The following ASTN2 variants were observed in gnomAD, a reference collection of about 807,000 sequenced individuals.
ASTN2 encodes the protein astrotactin-2.
A neutral mutation model predicts 139.8 loss-of-function variants in ASTN2; 54 were observed. The observed-to-expected ratio is 0.39, with a 90% CI of 0.31 to 0.48. The LOEUF (loss-of-function observed/expected upper bound fraction) is 0.48. Ranked by LOEUF, ASTN2 falls within the 20% of genes least tolerant of loss-of-function variation. The pLI, the probability that ASTN2 is intolerant of heterozygous loss-of-function variation, is 0.95. For synonymous variants in ASTN2, 756 were observed against 719.5 expected (o/e 1.05, Z -0.81); for missense variants, 1,565 against 1,725.1 (o/e 0.91, Z 1.64).
intron 11 of ASTN2, among the ~76,000 whole-genome samples, chr9:116,834,316 G>A (rs1452688188): frequency 2.0e-5 from 3 of 152,020 alleles, no homozygotes; most frequent in African/African-American, 4.8e-5. Flanking sequence ...CTTTTTTGTT[G>A]ATGGTGTTAT....
intron 13 of ASTN2, among the ~76,000 whole-genome samples, chr9:116,791,678 A>G (rs955170189): frequency 7.2e-5 from 11 of 152,316 alleles, no homozygotes; most frequent in Admixed American, 3.9e-4. Flanking sequence ...TTATCTGTTC[A>G]TAGGTTCCCT....
In ASTN2 at chr9:117,414,632, C is replaced by CGGA; in HGVS notation, c.306_307insTCC (p.Ala102_Ala103insSer). Reference sequence around the variant, plus strand: ...GCAGAGCCAGGAGAGCCCGGGGACGCGGCGGCGGCGGCGGCTCCGGCCCCG... The same window carrying CGGA: ...GCAGAGCCAGGAGAGCCCGGGGACGCGGAGGCGGCGGCGGCGGCTCCGGCCCCG... On this transcript the variant is annotated inframe_insertion, in exon 1 of 23. Coordinates refer to ENST00000313400, the MANE Select transcript of ASTN2 (RefSeq NM_001365068.1). The surrounding 1 kb of genome is among the most constrained non-coding windows in gnomAD (Gnocchi z 4.2). 7.5e-7 allele frequency: 1 copy of CGGA among 1,327,960 alleles called. No homozygotes were observed. The allele number at this position is 1,327,960 out of a possible 1,614,324, so 82.3% of individuals were successfully genotyped here.
At chr9:116,736,201 C>G (rs1828921240) in intron 13 of ASTN2, among the ~76,000 whole-genome samples, 1 of 152,104 alleles carries the variant, frequency 6.6e-6, no homozygotes, top group Admixed American at 6.5e-5. Flanking sequence ...TTAAATTTTC[C>G]AGAATTCTAT....
chr9:116,898,999 T>C (rs1465477230), intron 10 of ASTN2, among the ~76,000 whole-genome samples: 1 of 152,190 alleles, frequency 6.6e-6, no homozygotes, highest in African/African-American at 2.4e-5. Flanking sequence ...GAGTTGAAAG[T>C]TGAGGTTCCT....
intron 10 of ASTN2, among the ~76,000 whole-genome samples, chr9:116,884,110 A>G (rs1833525318): frequency 6.6e-6 from 1 of 152,148 alleles, no homozygotes; most frequent in South Asian, 2.1e-4. Context: ...GAGTGTGCCT[A>G]GAGTTCATCG....
At chr9:117,018,074 G>A (rs74864413) in intron 6 of ASTN2, among the ~76,000 whole-genome samples, 1,655 of 152,092 alleles carry the variant, frequency 0.011, 15 homozygotes, top group Non-Finnish European at 0.017. Flanking sequence ...GATGATCGGC[G>A]TAGGGTGGGA....
intron 10 of ASTN2, among the ~76,000 whole-genome samples, chr9:116,943,909 T>C (rs1257740965): frequency 8.5e-5 from 13 of 152,182 alleles, no homozygotes; most frequent in Non-Finnish European, 1.9e-4. Flanking sequence ...TGATGAGTAC[T>C]AAAAATATAG....
At chr9:116,632,326 A>C (rs1856846933) in intron 17 of ASTN2, among the ~76,000 whole-genome samples, 1 of 32,090 alleles carries the variant, frequency 3.1e-5, no homozygotes, top group African/African-American at 7.0e-5. Context: ...ATTATGTATC[A>C]ATAATAATAA....
chr9:116,822,551 G>A (rs1326806), intron 11 of ASTN2, among the ~76,000 whole-genome samples: 69 of 152,086 alleles, frequency 4.5e-4, no homozygotes, highest in African/African-American at 1.7e-3. Flanking sequence ...GCAGACTCGC[G>A]GAGCATGTTG....
At chr9:117,391,051 T>G (rs1564180652) in intron 1 of ASTN2, among the ~76,000 whole-genome samples, 1 of 152,180 alleles carries the variant, frequency 6.6e-6, no homozygotes, top group Non-Finnish European at 1.5e-5. Flanking sequence ...CAACCATAGA[T>G]GGAAACTCAC....
intron 19 of ASTN2, among the ~76,000 whole-genome samples, chr9:116,575,763 C>G (rs1486886932): frequency 1.3e-5 from 2 of 152,094 alleles, no homozygotes; most frequent in East Asian, 3.9e-4. Flanking sequence ...TGACTGTGTG[C>G]CTCTCCCTGT....
At chr9:116,562,178 T>C (rs1852948970) in intron 19 of ASTN2, 1 of 152,234 alleles carries the variant, frequency 6.6e-6, no homozygotes, top group African/African-American at 2.4e-5. Flanking sequence ...AAAAGCATCA[T>C]AGTCAAGCAC....
intron 13 of ASTN2, among the ~76,000 whole-genome samples, chr9:116,782,662 T>C (rs529981950): frequency 6.6e-6 from 1 of 152,314 alleles, no homozygotes; most frequent in South Asian, 2.1e-4. Context: ...TGGGTTCCCT[T>C]TGGTCTTTAT....
intron 19 of ASTN2, among the ~76,000 whole-genome samples, chr9:116,596,191 A>G (rs1343057558): frequency 1.3e-5 from 2 of 152,236 alleles, no homozygotes; most frequent in South Asian, 2.1e-4. Flanking sequence ...AAGAACAAAT[A>G]CTGCCTAATT....
chr9:117,102,045 C>A (rs539029956), intron 4 of ASTN2, among the ~76,000 whole-genome samples: 1 of 152,092 alleles, frequency 6.6e-6, no homozygotes, highest in Non-Finnish European at 1.5e-5. Context: ...ACCTCCAGCC[C>A]CAAAACTGAA....
At chr9:116,437,062 G>T (rs995432637) in intron 22 of ASTN2, among the ~76,000 whole-genome samples, 1 of 150,364 alleles carries the variant, frequency 6.7e-6, no homozygotes, top group Admixed American at 6.6e-5. Flanking sequence ...ACTGTTGTGG[G>T]GTGGGGGTGG....
intron 16 of ASTN2, among the ~76,000 whole-genome samples, chr9:116,703,810 A>C (rs1827918272): frequency 6.6e-6 from 1 of 151,904 alleles, no homozygotes; most frequent in Admixed American, 6.6e-5. Context: ...TCAGGTCTCC[A>C]CCCTGCACTT....
intron 10 of ASTN2, among the ~76,000 whole-genome samples, chr9:116,903,357 T>C (rs1834069708): frequency 6.6e-6 from 1 of 152,242 alleles, no homozygotes; most frequent in Admixed American, 6.5e-5. Context: ...TATATACTGA[T>C]GTTTACTTAG....
chr9:116,424,004 CTCTCT>C lies in ASTN2; in HGVS notation c.*1842_*1846del, dbSNP rs575809019. Among the ~76,000 whole-genome samples, 183 of 152,282 alleles carry C rather than the reference CTCTCT, an allele frequency of 1.2e-3. 4 individuals carry two copies. The South Asian group carries it at 0.028, about 23-fold the overall frequency. ...TCTTCTGAAACCCCACAGTGCTACA[CTCTCT>C]TCTCTTAACAGGTGTCATCTTTGCA... On this transcript the variant is annotated 3_prime_UTR_variant, in exon 23 of 23. Transcript: ENST00000313400.
Sources: gnomAD v4.1 joint callset for allele counts (sites outside exome capture counted in the v4.1 genomes callset) on GRCh38, gnomAD v4.1.1 for gene constraint, Gnocchi (gnomAD v3.1) non-coding constraint, MANE v1.5 for transcripts, NCBI Gene and HGNC (gene_info 2026-07-23, HGNC 2026-07-21) for gene names.